Variants in SLC9A9 observed in about 807,000 individuals in gnomAD.
SLC9A9 encodes the protein sodium/hydrogen exchanger 9.
A neutral mutation model predicts 77.8 loss-of-function variants in SLC9A9; 62 were observed. That is an observed-to-expected ratio of 0.80 (90% CI 0.65 to 0.98). SLC9A9 has a LOEUF of 0.98. SLC9A9 is among the 50% of genes least tolerant of loss of function. SLC9A9 has a pLI of 0.00. For missense variants in SLC9A9, 775 were observed against 774.9 expected (o/e 1.00, Z 0.00); for synonymous variants, 320 against 283.5 (o/e 1.13, Z -1.29).
At position 143,742,832 on chromosome 3, in the gene SLC9A9, C is replaced by A. The variant is rs751305461; in HGVS notation, c.534-49525G>T. On this transcript the variant is annotated intron_variant, in intron 4 of 15. Coordinates refer to ENST00000316549, the MANE Select transcript of SLC9A9 (RefSeq NM_173653.4). Reference sequence around the variant, plus strand: ...TGAAGCTGTGGGGTGTGGGAGGGTGCGATGGGGGGTTTGTTTGTAATGGAA... The same window carrying A: ...TGAAGCTGTGGGGTGTGGGAGGGTGAGATGGGGGGTTTGTTTGTAATGGAA... Among the ~76,000 whole-genome samples, 3 of 151,974 alleles carry A rather than the reference C, an allele frequency of 2.0e-5. No individual in the cohort carries two copies. In the South Asian group the frequency reaches 6.2e-4, roughly 32 times the overall value.
intron 6 of SLC9A9, among the ~76,000 whole-genome samples, chr3:143,586,008 C>T (rs1453040439): frequency 1.3e-5 from 2 of 152,212 alleles, no homozygotes; most frequent in Non-Finnish European, 2.9e-5. Context: ...AGTAGACTCC[C>T]CTTCCCCTTG....
chr3:143,560,729 C>CA (rs11431519), intron 8 of SLC9A9, among the ~76,000 whole-genome samples: 65,299 of 148,524 alleles, frequency 0.44, 14,716 homozygotes, highest in African/African-American at 0.56. Context: ...CTTTTTCCTT[C>CA]AAAAAAAAAA....
intron 14 of SLC9A9, among the ~76,000 whole-genome samples, chr3:143,359,418 A>T (rs1429429762): frequency 6.6e-6 from 1 of 152,078 alleles, no homozygotes; most frequent in African/African-American, 2.4e-5. Context: ...GGAGTGAGAG[A>T]GTTAGCTCCT....
intron 4 of SLC9A9, among the ~76,000 whole-genome samples, chr3:143,777,087 T>G (rs1468873729): frequency 1.3e-5 from 2 of 152,138 alleles, no homozygotes; most frequent in African/African-American, 4.8e-5. Flanking sequence ...TGTGGCCTCT[T>G]CTCTGACCCC....
At chr3:143,795,294 A>AAAAAAAAAAAAAAAC (rs1560083118) in intron 3 of SLC9A9, among the ~76,000 whole-genome samples, 2 of 147,786 alleles carry the variant, frequency 1.4e-5, no homozygotes, top group East Asian at 2.0e-4. Flanking sequence ...AAAAAAAAAA[A>AAAAAAAAAAAAAAAC]AAAAAACCCA....
intron 6 of SLC9A9, among the ~76,000 whole-genome samples, chr3:143,595,709 T>G (rs1447955855): frequency 6.6e-6 from 1 of 152,162 alleles, no homozygotes; most frequent in Non-Finnish European, 1.5e-5. Flanking sequence ...TTAGCCATGA[T>G]TGGCAGGACA....
chr3:143,549,974 G>C (rs759837840), intron 9 of SLC9A9, among the ~76,000 whole-genome samples: 9 of 152,124 alleles, frequency 5.9e-5, no homozygotes, highest in Non-Finnish European at 7.4e-5. Flanking sequence ...ATCAGTTTTT[G>C]TTTGGGGGGC....
intron 4 of SLC9A9, among the ~76,000 whole-genome samples, chr3:143,729,769 C>T (rs1934754537): frequency 6.6e-6 from 1 of 152,052 alleles, no homozygotes; most frequent in African/African-American, 2.4e-5. Context: ...TCTGGGTTTC[C>T]TTATTGTCGT....
At chr3:143,694,729 G>C (rs111403816) in intron 4 of SLC9A9, among the ~76,000 whole-genome samples, 9 of 152,274 alleles carry the variant, frequency 5.9e-5, no homozygotes, top group African/African-American at 2.2e-4. Flanking sequence ...CCATCACACT[G>C]TATTGCTTAG....
At chr3:143,625,011 A>G (rs999041859) in intron 6 of SLC9A9, among the ~76,000 whole-genome samples, 3 of 152,246 alleles carry the variant, frequency 2.0e-5, no homozygotes, top group Non-Finnish European at 4.4e-5. Flanking sequence ...ACTCCCATTC[A>G]CAATTGCTTC....
At chr3:143,666,169 G>T (rs58979203) in intron 5 of SLC9A9, among the ~76,000 whole-genome samples, 1 of 152,068 alleles carries the variant, frequency 6.6e-6, no homozygotes, top group Admixed American at 6.5e-5. Flanking sequence ...GGGATGCAAG[G>T]CTGGTCCAAC....
chr3:143,818,196 C>T (rs368525968), intron 2 of SLC9A9, among the ~76,000 whole-genome samples: 17 of 152,056 alleles, frequency 1.1e-4, no homozygotes, highest in African/African-American at 3.9e-4. Context: ...GTAATGGAAT[C>T]AGTAATGAAA....
rs138070904 is a variant in SLC9A9 at position 143,688,480 on chromosome 3, G to A, written c.649+4712C>T. ...GTGTGCAAAGGTGATGCAAAGTGAGGCCTGACCCTGAAAGCCAGAATATCT... is the reference window on the plus strand; with the variant it reads ...GTGTGCAAAGGTGATGCAAAGTGAGACCTGACCCTGAAAGCCAGAATATCT... On this transcript the variant is annotated intron_variant, in intron 5 of 15. Coordinates refer to ENST00000316549, the MANE Select transcript of SLC9A9 (RefSeq NM_173653.4). Among the ~76,000 whole-genome samples the A allele has an allele frequency of 3.7e-3, 559 of 152,170 alleles. 3 individuals carry two copies. The highest frequency in any genetic ancestry group is 0.013 in the African/African-American group (530 of 41,514).
chr3:143,467,234 T>G, intron 11 of SLC9A9, 44 bp from the exon 12 acceptor site: 1 of 1,612,476 alleles, frequency 6.2e-7, no homozygotes, highest in Non-Finnish European at 8.5e-7. Flanking sequence ...CTTGCAGGTG[T>G]CTTTTTCATT....
chr3:143,733,140 T>G (rs1176261562), intron 4 of SLC9A9, among the ~76,000 whole-genome samples: 1 of 152,168 alleles, frequency 6.6e-6, no homozygotes, highest in African/African-American at 2.4e-5. Context: ...GATTTTGAAC[T>G]TTATAATGGA....
chr3:143,738,495 T>C (rs1457429534), intron 4 of SLC9A9, among the ~76,000 whole-genome samples: 1 of 152,214 alleles, frequency 6.6e-6, no homozygotes, highest in Non-Finnish European at 1.5e-5. Flanking sequence ...CTTATTGTTA[T>C]AGTTAAATAA....
At chr3:143,442,227 C>T (rs1257905609) in intron 12 of SLC9A9, among the ~76,000 whole-genome samples, 1 of 152,152 alleles carries the variant, frequency 6.6e-6, no homozygotes, top group East Asian at 1.9e-4. Context: ...GGGCTTCCTA[C>T]AAAACAGTTT....
chr3:143,284,891 T>G (rs557247927), intron 14 of SLC9A9, among the ~76,000 whole-genome samples: 1 of 152,284 alleles, frequency 6.6e-6, no homozygotes, highest in South Asian at 2.1e-4. Flanking sequence ...GCAATACTTA[T>G]GACAAAATGA....
chr3:143,376,219 T>C (rs1385882214), intron 13 of SLC9A9, among the ~76,000 whole-genome samples: 1 of 152,138 alleles, frequency 6.6e-6, no homozygotes, highest in African/African-American at 2.4e-5. Flanking sequence ...AATGAGAATA[T>C]GCTTGATACT....
Sources: gnomAD v4.1 joint callset for allele counts (sites outside exome capture counted in the v4.1 genomes callset) on GRCh38, gnomAD v4.1.1 for gene constraint, MANE v1.5 for transcripts, NCBI Gene and HGNC (gene_info 2026-07-23, HGNC 2026-07-21) for gene names.